Variants in ZNF407 observed in about 807,000 individuals in gnomAD.
ZNF407 encodes zinc finger protein 407.
In ZNF407, 17 loss-of-function variants were observed where a neutral mutation model predicts 131.2. The ratio of observed to expected loss-of-function variants is 0.13; its 90% CI spans 0.09 to 0.19. ZNF407 has a LOEUF of 0.19. ZNF407 is among the 10% of genes least tolerant of loss of function. The probability of loss-of-function intolerance (pLI) is 1.00; values close to 1 mark genes in which losing one functional copy is unlikely to be tolerated. For synonymous variants in ZNF407, 1,156 were observed against 1,062.0 expected (o/e 1.09, Z -1.72); for missense variants, 2,681 against 2,830.6 (o/e 0.95, Z 1.20).
intron 4 of ZNF407, among the ~76,000 whole-genome samples, chr18:74,867,648 C>T (rs1349497031): frequency 7.2e-5 from 11 of 152,090 alleles, no homozygotes; most frequent in Non-Finnish European, 7.4e-5. Context: ...ATGAAACCAT[C>T]GGGTTTATTA....
At chr18:74,695,321 G>A (rs1967325053) in intron 3 of ZNF407, among the ~76,000 whole-genome samples, 1 of 152,118 alleles carries the variant, frequency 6.6e-6, no homozygotes, top group African/African-American at 2.4e-5. Context: ...TTTCTTGATG[G>A]GGTGCAATAC....
chr18:74,758,823 G>A (rs10871524), intron 3 of ZNF407, among the ~76,000 whole-genome samples: 122,556 of 151,988 alleles, frequency 0.81, 52,574 homozygotes, highest in East Asian at 0.96. Flanking sequence ...CAAATGATCC[G>A]CCCACCTTGA....
At chr18:75,042,551 C>T (rs187186870) in intron 8 of ZNF407, among the ~76,000 whole-genome samples, 1 of 152,224 alleles carries the variant, frequency 6.6e-6, no homozygotes, top group Non-Finnish European at 1.5e-5. Flanking sequence ...TTGGCACACT[C>T]TTCTGTGCTT....
At position 74,634,178 on chromosome 18, in the gene ZNF407, C is replaced by T; in HGVS notation, c.3159C>T (p.Tyr1053=). 3.1e-6 allele frequency: 5 copies of T among 1,614,050 alleles called. No individual in the cohort carries two copies. Among genetic ancestry groups the T allele is most frequent in the Non-Finnish European group, 4.2e-6 (5 of 1,179,904 alleles). Residue 1053 remains tyrosine (Y), a synonymous_variant, in exon 2 of 9, where the codon TAC becomes TAT. Coordinates refer to ENST00000299687, the MANE Select transcript of ZNF407 (RefSeq NM_017757.3). ...EFEFYCMACD[Y]YAVTRREMTR... ...AGTTTTATTGCATGGCATGCGATTA[C>T]TACGCGGTGACTCGTCGCGAGATGA...
chr18:74,865,840 G>A (rs1971003067), intron 4 of ZNF407, among the ~76,000 whole-genome samples: 1 of 152,132 alleles, frequency 6.6e-6, no homozygotes, highest in Non-Finnish European at 1.5e-5. Context: ...GCTCTATGAG[G>A]TTTTTCCCAA....
intron 8 of ZNF407, among the ~76,000 whole-genome samples, chr18:74,928,611 C>G (rs1346590390): frequency 6.6e-6 from 1 of 152,106 alleles, no homozygotes; most frequent in East Asian, 1.9e-4. Context: ...CTTATAAGAC[C>G]TGCTATCTGT....
At chr18:74,665,115 A>AT (rs1472984650) in intron 3 of ZNF407, among the ~76,000 whole-genome samples, 2 of 152,194 alleles carry the variant, frequency 1.3e-5, no homozygotes, top group East Asian at 1.9e-4. Context: ...CAGTAAATTC[A>AT]TTTTTTTCCT....
At chr18:74,825,306 A>G (rs1482303792) in intron 4 of ZNF407, among the ~76,000 whole-genome samples, 1 of 151,964 alleles carries the variant, frequency 6.6e-6, no homozygotes, top group Non-Finnish European at 1.5e-5. Flanking sequence ...CTCTCTCACC[A>G]CTCCTATTCA....
intron 3 of ZNF407, among the ~76,000 whole-genome samples, chr18:74,677,775 C>T (rs1235609885): frequency 6.6e-6 from 1 of 151,986 alleles, no homozygotes; most frequent in African/African-American, 2.4e-5. Context: ...TTTCTATTGC[C>T]TGTTGTTTCT....
chr18:74,983,975 A>G (rs1286021660), intron 8 of ZNF407, among the ~76,000 whole-genome samples: 1 of 152,222 alleles, frequency 6.6e-6, no homozygotes, highest in African/African-American at 2.4e-5. Flanking sequence ...GTTTTTAATA[A>G]TTATACATCA....
chr18:74,618,777 T>G (rs1352314318), intron 1 of ZNF407, among the ~76,000 whole-genome samples: 2 of 152,158 alleles, frequency 1.3e-5, no homozygotes, highest in Non-Finnish European at 2.9e-5. Flanking sequence ...ACTATTAACC[T>G]TATTATACAA....
intron 8 of ZNF407, among the ~76,000 whole-genome samples, chr18:75,010,569 C>T (rs1972962442): frequency 6.6e-6 from 1 of 152,106 alleles, no homozygotes; most frequent in Non-Finnish European, 1.5e-5. Flanking sequence ...TATGGTAAAT[C>T]GGGCATGCTG....
chr18:74,783,715 A>T (rs543623320), intron 4 of ZNF407, among the ~76,000 whole-genome samples: 2 of 152,264 alleles, frequency 1.3e-5, no homozygotes, highest in Admixed American at 1.3e-4. Flanking sequence ...AGATATTGAC[A>T]CTGTTTTTGT....
chr18:74,888,510 C>A (rs1971341665), intron 6 of ZNF407, among the ~76,000 whole-genome samples: 1 of 152,044 alleles, frequency 6.6e-6, no homozygotes, highest in South Asian at 2.1e-4. Flanking sequence ...TAGAACATCT[C>A]AATTCAGAGG....
At chr18:74,799,776 A>G (rs1969985938) in intron 4 of ZNF407, among the ~76,000 whole-genome samples, 1 of 152,042 alleles carries the variant, frequency 6.6e-6, no homozygotes, top group Non-Finnish European at 1.5e-5. Flanking sequence ...ATGCGTATGC[A>G]CCTGTATCCT....
chr18:74,633,273 C>G lies in ZNF407; in HGVS notation c.2254C>G (p.His752Asp). The G allele has an allele frequency of 6.2e-7, 1 of 1,612,570 alleles. No individual in the cohort carries two copies. The highest frequency in any genetic ancestry group is 8.5e-7 in the Non-Finnish European group (1 of 1,179,590). The change falls in exon 2 of 9, where the codon CAC (histidine) becomes GAC (aspartate). Residue 752 changes from histidine to aspartate, a missense_variant. Around this residue, in one of 6 missense-constraint regions of ZNF407, gnomAD observed 1,789 missense variants for 1,748.7 expected, o/e 1.02. Transcript: ENST00000299687. ...YSLSKEGMEK[H>D]IKRSKHLENA... ...ATTGAGCAAAGAAGGAATGGAGAAACACATTAAAAGAAGCAAGCATCTTGA... is the reference window on the plus strand; with the variant it reads ...ATTGAGCAAAGAAGGAATGGAGAAAGACATTAAAAGAAGCAAGCATCTTGA...
intron 3 of ZNF407, among the ~76,000 whole-genome samples, chr18:74,781,164 A>C (rs561245103): frequency 6.6e-6 from 1 of 152,102 alleles, no homozygotes; most frequent in African/African-American, 2.4e-5. Context: ...GAAGACAGGG[A>C]TTGAAGAACT....
rs534535033 is a variant in ZNF407, at chr18:74,709,651, G to T, written c.4802+68529G>T. On this transcript the variant is annotated intron_variant, in intron 3 of 8. Coordinates refer to ENST00000299687, the MANE Select transcript of ZNF407 (RefSeq NM_017757.3). ...GTCAGTGCGATAGCATTGATTCTTAGGTTTGATACTGTGCCGCACTTGAAT... is the reference window on the plus strand; with the variant it reads ...GTCAGTGCGATAGCATTGATTCTTATGTTTGATACTGTGCCGCACTTGAAT... Among the ~76,000 whole-genome samples, 4 of 152,282 alleles carry T rather than the reference G, an allele frequency of 2.6e-5. No individual in the cohort carries two copies. In the South Asian group the frequency reaches 6.2e-4, roughly 24 times the overall value.
At chr18:74,925,323 A>G (rs1046405968) in intron 8 of ZNF407, among the ~76,000 whole-genome samples, 3 of 152,174 alleles carry the variant, frequency 2.0e-5, no homozygotes, top group African/African-American at 7.2e-5. Flanking sequence ...GGTGTTCTCT[A>G]TAACGTGTAT....
Sources: allele counts gnomAD v4.1 joint callset (sites outside exome capture counted in the v4.1 genomes callset), GRCh38; gene constraint gnomAD v4.1.1; regional missense constraint gnomAD v4.1.1; transcripts MANE v1.5; gene names NCBI Gene and HGNC (gene_info 2026-07-23, HGNC 2026-07-21).